Variants in DEK observed in about 807,000 individuals in gnomAD.
DEK encodes DEK proto-oncogene, also known as protein DEK.
A neutral mutation model predicts 46.8 loss-of-function variants in DEK; 28 were observed. The ratio of observed to expected loss-of-function variants is 0.60; its 90% CI spans 0.44 to 0.82. DEK has a LOEUF of 0.82. Ranked by LOEUF, DEK falls within the 40% of genes least tolerant of loss-of-function variation. The pLI is 0.00. For missense variants in DEK, 416 were observed against 430.6 expected (o/e 0.97, Z 0.30); for synonymous variants, 160 against 144.5 (o/e 1.11, Z -0.77).
intron 3 of DEK, 56 bp from the exon 4 acceptor site, chr6:18,258,118 A>G (rs560726756): frequency 1.6e-6 from 2 of 1,286,706 alleles, no homozygotes; most frequent in South Asian, 2.7e-5. Flanking sequence ...TACATTTACA[A>G]AGTTAATTTA....
At chr6:18,240,010 T>A (rs1416930203) in intron 7 of DEK, among the ~76,000 whole-genome samples, 15 of 152,176 alleles carry the variant, frequency 9.9e-5, no homozygotes, top group Non-Finnish European at 2.2e-4. Flanking sequence ...AAAGAAACAA[T>A]ATCATCAATA....
chr6:18,227,029 A>G (rs1790162128), intron 9 of DEK, among the ~76,000 whole-genome samples: 2 of 152,196 alleles, frequency 1.3e-5, no homozygotes, highest in African/African-American at 2.4e-5. Flanking sequence ...GGACACAAAC[A>G]CCGCGGAAGG....
intron 5 of DEK, 132 bp from the exon 6 acceptor site, chr6:18,255,983 A>C: frequency 9.4e-7 from 1 of 1,060,272 alleles, no homozygotes; most frequent in Non-Finnish European, 1.3e-6. Flanking sequence ...TGCTTCTATG[A>C]ATCTTTTTTC....
rs962760021 is a variant in DEK, at chr6:18,225,266, C to T, written c.*453G>A. 8.7e-5 allele frequency: 20 copies of T among 230,960 alleles called. No homozygotes were observed. Among genetic ancestry groups the T allele is most frequent in the Non-Finnish European group, 1.2e-4 (14 of 116,990 alleles). 14.3% of individuals were successfully genotyped at this position (230,960 alleles called of 1,614,324 possible). A position where few individuals can be genotyped will look rare whatever the true frequency, so the allele number is the denominator to read the frequency against. On this transcript the variant is annotated 3_prime_UTR_variant, in exon 11 of 11. Coordinates refer to ENST00000652689, the MANE Select transcript of DEK (RefSeq NM_003472.4). ...ATTTTTAATATGATGGACACACTGC[C>T]GCTGAATTTTCACACTGACAGAGAT...
chr6:18,238,310 G>A (rs1201471337), intron 7 of DEK, among the ~76,000 whole-genome samples: 1 of 152,144 alleles, frequency 6.6e-6, no homozygotes, highest in Non-Finnish European at 1.5e-5. Flanking sequence ...TAATAAACAT[G>A]CAAGATTCAA....
intron 6 of DEK, among the ~76,000 whole-genome samples, chr6:18,252,673 T>C (rs138332833): frequency 4.5e-4 from 68 of 152,040 alleles, no homozygotes; most frequent in African/African-American, 1.6e-3. Context: ...GACTTTGGGG[T>C]TTCCTGAGAC....
At chr6:18,229,204 G>A (rs1333562065) in intron 9 of DEK, among the ~76,000 whole-genome samples, 2 of 152,192 alleles carry the variant, frequency 1.3e-5, no homozygotes, top group Non-Finnish European at 2.9e-5. Context: ...CTAACAAAAA[G>A]AACATCCACA....
chr6:18,228,781 ACGGCAGTGTAAG>A (rs1790257934), intron 9 of DEK, among the ~76,000 whole-genome samples: 1 of 152,208 alleles, frequency 6.6e-6, no homozygotes, highest in African/African-American at 2.4e-5. Flanking sequence ...CATTGCTAGC[ACGGCAGTGTAAG>A]ATTTAACTGC....
chr6:18,261,333 G>C (rs1387989199), intron 2 of DEK, among the ~76,000 whole-genome samples: 1 of 152,204 alleles, frequency 6.6e-6, no homozygotes, highest in Non-Finnish European at 1.5e-5. Flanking sequence ...AAAACTCTGG[G>C]AGGCTGAGAC....
intron 6 of DEK, among the ~76,000 whole-genome samples, chr6:18,250,407 T>C (rs1791316564): frequency 2.6e-5 from 4 of 151,934 alleles, no homozygotes; most frequent in African/African-American, 9.7e-5. Context: ...AGGCAGAGTT[T>C]GCAGTGAGCC....
intron 7 of DEK, among the ~76,000 whole-genome samples, chr6:18,249,059 T>C (rs1245839384): frequency 6.6e-6 from 1 of 152,202 alleles, no homozygotes; most frequent in African/African-American, 2.4e-5. Context: ...CTTATTTAAC[T>C]GCTTCAGCAG....
chr6:18,234,889 A>T (rs1057155200), intron 9 of DEK, among the ~76,000 whole-genome samples: 8 of 152,136 alleles, frequency 5.3e-5, no homozygotes, highest in Admixed American at 1.3e-4. Context: ...ACTATTCATT[A>T]ATAACTCTTG....
intron 9 of DEK, among the ~76,000 whole-genome samples, chr6:18,232,230 C>G (rs192787513): frequency 1.3e-5 from 2 of 152,236 alleles, no homozygotes; most frequent in Admixed American, 6.5e-5. Context: ...TAATAAAGAG[C>G]TATTTATGAC....
At position 18,236,612 on chromosome 6, in the gene DEK, A is replaced by G. The variant is rs1790659796; in HGVS notation, c.899-12T>C. ...CTCAGACTCACTTTCTAAAAGTAATATAATAATAATAATTTTTCTTACATA... is the reference window on the plus strand; with the variant it reads ...CTCAGACTCACTTTCTAAAAGTAATGTAATAATAATAATTTTTCTTACATA... On this transcript the variant is annotated splice_polypyrimidine_tract_variant and intron_variant, in intron 8 of 10. Coordinates refer to ENST00000652689, the MANE Select transcript of DEK (RefSeq NM_003472.4). 4 of 1,385,266 alleles carry G rather than the reference A, an allele frequency of 2.9e-6. No individual in the cohort carries two copies. The East Asian group carries it at 1.1e-4, about 38-fold the overall frequency. 85.8% of individuals were successfully genotyped at this position (1,385,266 alleles called of 1,614,324 possible).
Position 18,259,394 on chromosome 6 carries a change from C to CAAAAA in DEK, c.146-994_146-990dup, listed in dbSNP as rs56704006. On this transcript the variant is annotated intron_variant, in intron 2 of 10. Coordinates refer to ENST00000652689, the MANE Select transcript of DEK (RefSeq NM_003472.4). ...TGGGCGACACAGCAAGACTCCGTCT[C>CAAAAA]AAAAAAAAAAAAAAAAAAAAAAAAA... Among the ~76,000 whole-genome samples, 35 of 41,480 alleles carry CAAAAA rather than the reference C, an allele frequency of 8.4e-4. 1 individual carries two copies. The highest frequency in any genetic ancestry group is 1.4e-3 in the South Asian group (2 of 1,414). 27.2% of individuals were successfully genotyped at this position (41,480 alleles called of 152,430 possible).
chr6:18,256,353 T>A lies in DEK; in HGVS notation c.452+8A>T, dbSNP rs1165819221. ...GATCAAAATACAGTATTTATAAAAA[T>A]AACTTACTTTTTCAACATTTCTTCC... On this transcript the variant is annotated splice_region_variant and intron_variant, in intron 5 of 10. Coordinates refer to ENST00000652689, the MANE Select transcript of DEK (RefSeq NM_003472.4). 8.1e-6 allele frequency: 13 copies of A among 1,595,536 alleles called. No individual in the cohort carries two copies. Among genetic ancestry groups the A allele is most frequent in the Admixed American group, 3.4e-5 (2 of 58,358 alleles).
chr6:18,226,663 C>G (rs989786082), intron 9 of DEK, among the ~76,000 whole-genome samples: 1 of 152,102 alleles, frequency 6.6e-6, no homozygotes, highest in African/African-American at 2.4e-5. Context: ...GCCTGTAATC[C>G]CAGCTACTGA....
chr6:18,223,871 T>C lies in DEK; in HGVS notation c.*1848A>G, dbSNP rs1054379254. On this transcript the variant is annotated 3_prime_UTR_variant, in exon 11 of 11. Transcript: ENST00000652689. ...TCACATGTACTCTGTACTGTAGTGG[T>C]GATACATCCATTTAATAAGTGTGCG... 5.3e-5 allele frequency: 8 copies of C among 152,216 alleles called. No homozygotes were observed. The highest frequency in any genetic ancestry group is 2.1e-4 in the South Asian group (1 of 4,832). 9.4% of individuals were successfully genotyped at this position (152,216 alleles called of 1,614,324 possible).
At chr6:18,241,371 T>G (rs1349574950) in intron 7 of DEK, among the ~76,000 whole-genome samples, 1 of 152,196 alleles carries the variant, frequency 6.6e-6, no homozygotes, top group Admixed American at 6.5e-5. Flanking sequence ...CTTTCAAATC[T>G]TCATTACTTT....
Sources: gnomAD v4.1 joint callset for allele counts (sites outside exome capture counted in the v4.1 genomes callset) on GRCh38, gnomAD v4.1.1 for gene constraint, MANE v1.5 for transcripts, NCBI Gene and HGNC (gene_info 2026-07-23, HGNC 2026-07-21) for gene names.